Variants in MAGI2 observed in about 807,000 individuals in gnomAD.
MAGI2 encodes membrane-associated guanylate kinase, WW and PDZ domain-containing protein 2.
MAGI2 carries 35 observed loss-of-function variants against 133.3 expected under a neutral mutation model. The observed-to-expected ratio is 0.26, with a 90% CI of 0.20 to 0.35. The LOEUF is 0.35. Ranked by LOEUF, MAGI2 falls within the 10% of genes least tolerant of loss-of-function variation. The probability of loss-of-function intolerance (pLI) is 1.00; values close to 1 mark genes in which losing one functional copy is unlikely to be tolerated. For synonymous variants in MAGI2, 729 were observed against 710.6 expected (o/e 1.03, Z -0.41); for missense variants, 1,636 against 1,863.4 (o/e 0.88, Z 2.25).
intron 2 of MAGI2, among the ~76,000 whole-genome samples, chr7:78,995,872 C>T (rs1178331243): frequency 6.6e-6 from 1 of 152,154 alleles, no homozygotes; most frequent in Admixed American, 6.6e-5. Flanking sequence ...TCTTTCTCTG[C>T]TGACTTACTG....
intron 17 of MAGI2, among the ~76,000 whole-genome samples, chr7:78,133,606 ACTATT>A (rs1563164274): frequency 6.6e-6 from 1 of 152,212 alleles, no homozygotes; most frequent in African/African-American, 2.4e-5. Context: ...GAGTCACAAA[ACTATT>A]CTATTAAATA....
At chr7:79,093,632 G>T (rs954435675) in intron 1 of MAGI2, among the ~76,000 whole-genome samples, 1 of 151,820 alleles carries the variant, frequency 6.6e-6, no homozygotes, top group African/African-American at 2.4e-5. Flanking sequence ...GGCTGATAAG[G>T]GTGGTGGTTG....
At chr7:79,370,689 A>G (rs1470500879) in intron 1 of MAGI2, among the ~76,000 whole-genome samples, 4 of 151,936 alleles carry the variant, frequency 2.6e-5, no homozygotes. Flanking sequence ...CTTATAATGA[A>G]CTAATGAAGC....
At chr7:78,869,540 T>A (rs1004677200) in intron 2 of MAGI2, among the ~76,000 whole-genome samples, 1 of 152,162 alleles carries the variant, frequency 6.6e-6, no homozygotes, top group African/African-American at 2.4e-5. Flanking sequence ...GGGTAATTTA[T>A]AAAGGAAAGA....
intron 2 of MAGI2, among the ~76,000 whole-genome samples, chr7:78,950,047 T>C (rs534017424): frequency 4.4e-4 from 67 of 152,274 alleles, no homozygotes; most frequent in African/African-American, 1.5e-3. Context: ...AAGACTCTTC[T>C]ACACCTTCTT....
intron 6 of MAGI2, among the ~76,000 whole-genome samples, chr7:78,426,565 C>A (rs1212339607): frequency 6.6e-6 from 1 of 151,786 alleles, no homozygotes; most frequent in African/African-American, 2.4e-5. Context: ...ATGTAACTAA[C>A]CTGCACATTG....
At chr7:78,901,775 T>G (rs1462770164) in intron 2 of MAGI2, among the ~76,000 whole-genome samples, 3 of 152,218 alleles carry the variant, frequency 2.0e-5, no homozygotes, top group Non-Finnish European at 2.9e-5. Flanking sequence ...AAAGAATTCT[T>G]TTGACATTTA....
intron 1 of MAGI2, among the ~76,000 whole-genome samples, chr7:79,219,016 C>T (rs747871369): frequency 1.3e-4 from 20 of 152,000 alleles, no homozygotes; most frequent in Admixed American, 2.6e-4. Context: ...AGGGATTTTG[C>T]CAATTGCCTT....
At chr7:78,922,406 T>C (rs1563667181) in intron 2 of MAGI2, among the ~76,000 whole-genome samples, 1 of 150,022 alleles carries the variant, frequency 6.7e-6, no homozygotes. Context: ...TGTGTTCTCA[T>C]TGTTCAATTC....
rs1563005767 is a variant in MAGI2 at position 78,019,157 on chromosome 7, A to G, written c.*158T>C. On this transcript the variant is annotated 3_prime_UTR_variant, in exon 22 of 22. Coordinates refer to ENST00000354212, the MANE Select transcript of MAGI2 (RefSeq NM_012301.4). ...CTGCGCGTTGATGCGATGCCGCCCA[A>G]GCACACCGGACACGTGGGACTTCAC... 4.6e-5 allele frequency: 39 copies of G among 849,218 alleles called. No individual in the cohort carries two copies. In the South Asian group the frequency reaches 6.1e-4, roughly 13 times the overall value. The allele number at this position is 849,218 out of a possible 1,614,324, so 52.6% of individuals were successfully genotyped here.
At chr7:78,349,796 T>C (rs1233768822) in intron 7 of MAGI2, among the ~76,000 whole-genome samples, 1 of 152,216 alleles carries the variant, frequency 6.6e-6, no homozygotes, top group Non-Finnish European at 1.5e-5. Flanking sequence ...TGATTGTAGC[T>C]GAATAGAAAC....
At chr7:78,996,625 T>C (rs1806335220) in intron 2 of MAGI2, among the ~76,000 whole-genome samples, 1 of 152,158 alleles carries the variant, frequency 6.6e-6, no homozygotes, top group South Asian at 2.1e-4. Flanking sequence ...AGTTTACTTA[T>C]GTAACAAAAC....
chr7:78,903,490 C>T (rs1053082903), intron 2 of MAGI2, among the ~76,000 whole-genome samples: 4 of 152,054 alleles, frequency 2.6e-5, no homozygotes, highest in African/African-American at 4.8e-5. Context: ...CCACCGCGCC[C>T]GGCCGAGTTC....
chr7:79,167,886 T>C (rs1825101970), intron 1 of MAGI2, among the ~76,000 whole-genome samples: 1 of 152,122 alleles, frequency 6.6e-6, no homozygotes, highest in Non-Finnish European at 1.5e-5. Context: ...GCTGGAAGGT[T>C]GTGGGTTTAA....
intron 2 of MAGI2, among the ~76,000 whole-genome samples, chr7:78,667,542 C>A (rs569758059): frequency 7.2e-6 from 1 of 138,952 alleles, no homozygotes; most frequent in Non-Finnish European, 1.5e-5. Flanking sequence ...CCTCCCGCCT[C>A]CCCCCACCCC....
chr7:78,167,634 C>T (rs911344054), intron 15 of MAGI2, among the ~76,000 whole-genome samples: 6 of 152,154 alleles, frequency 3.9e-5, no homozygotes, highest in Admixed American at 3.9e-4. Context: ...CTAGAAACTA[C>T]CAGAAAGCAG....
rs760624783 is a variant in MAGI2, at chr7:78,378,989, T to C, written c.1046-9776A>G. ...AATGAATATTATTTAAAATTGACAATTGAATAAGGGCCTCATAGAAGTTAC... is the reference window on the plus strand; with the variant it reads ...AATGAATATTATTTAAAATTGACAACTGAATAAGGGCCTCATAGAAGTTAC... On this transcript the variant is annotated intron_variant, in intron 6 of 21. Coordinates refer to ENST00000354212, the MANE Select transcript of MAGI2 (RefSeq NM_012301.4). Among the ~76,000 whole-genome samples, 10 of 152,062 alleles carry C rather than the reference T, an allele frequency of 6.6e-5. No individual in the cohort carries two copies. The East Asian group carries it at 1.2e-3, about 18-fold the overall frequency.
intron 1 of MAGI2, among the ~76,000 whole-genome samples, chr7:79,397,732 T>C (rs1447286048): frequency 6.6e-6 from 1 of 152,186 alleles, no homozygotes; most frequent in African/African-American, 2.4e-5. Context: ...TTTCATAAAT[T>C]GCTTCTTCAC....
intron 2 of MAGI2, among the ~76,000 whole-genome samples, chr7:78,919,064 G>A (rs564130827): frequency 1.3e-5 from 2 of 152,090 alleles, no homozygotes; most frequent in Non-Finnish European, 2.9e-5. Flanking sequence ...AAATTGGACA[G>A]GTTAAATAAT....
Sources: gnomAD v4.1 joint callset for allele counts (sites outside exome capture counted in the v4.1 genomes callset) on GRCh38, gnomAD v4.1.1 for gene constraint, MANE v1.5 for transcripts, NCBI Gene and HGNC (gene_info 2026-07-23, HGNC 2026-07-21) for gene names.